The following PKNOX2 variants were observed in gnomAD, a reference collection of about 807,000 sequenced individuals.
PKNOX2 encodes homeobox protein PKNOX2.
A neutral mutation model predicts 53.1 loss-of-function variants in PKNOX2; 14 were observed. The observed-to-expected ratio is 0.26, with a 90% CI of 0.17 to 0.41. The LOEUF is 0.41. Among genes scored for constraint, PKNOX2 ranks in the 10% least tolerant of loss-of-function variants. The pLI, the probability that PKNOX2 is intolerant of heterozygous loss-of-function variation, is 1.00. For synonymous variants in PKNOX2, 257 were observed against 242.8 expected (o/e 1.06, Z -0.54); for missense variants, 496 against 602.8 (o/e 0.82, Z 1.85).
At chr11:125,234,932 C>T (rs1942540951) in intron 1 of PKNOX2, 113 bp from the exon 2 acceptor site, 1 of 152,670 alleles carries the variant, frequency 6.6e-6, no homozygotes, top group African/African-American at 2.4e-5. Flanking sequence ...GGCTGCCAGC[C>T]CTGGCCTTTT....
intron 1 of PKNOX2, among the ~76,000 whole-genome samples, chr11:125,177,197 G>T (rs1955772436): frequency 6.6e-6 from 1 of 152,152 alleles, no homozygotes; most frequent in South Asian, 2.1e-4. Context: ...TGTCTTTTGA[G>T]GACTTGGTGC....
At chr11:125,346,906 G>C (rs930929493) in intron 3 of PKNOX2, among the ~76,000 whole-genome samples, 2 of 151,936 alleles carry the variant, frequency 1.3e-5, no homozygotes, top group African/African-American at 4.8e-5. Flanking sequence ...CCCTCTCTCT[G>C]AACTCCAGCA....
Position 125,291,179 on chromosome 11 carries a change from G to T in PKNOX2, c.-129-40640G>T, listed in dbSNP as rs549959007. On this transcript the variant is annotated intron_variant, in intron 2 of 12. Transcript: ENST00000298282. ...TCAATCAATTGTCATCGCTCTCTGG[G>T]CCTCACTTTCCTCGCATGTAAAGTT... 4.1e-4 allele frequency among the ~76,000 whole-genome samples: 62 copies of T among 152,238 alleles called. 1 individual carries two copies. The South Asian group carries it at 5.6e-3, about 14-fold the overall frequency.
chr11:125,265,412 C>A (rs1945248163), intron 2 of PKNOX2, among the ~76,000 whole-genome samples: 1 of 152,226 alleles, frequency 6.6e-6, no homozygotes, highest in Non-Finnish European at 1.5e-5. Flanking sequence ...CAAACACCGG[C>A]CTCTGCAAGA....
intron 10 of PKNOX2, among the ~76,000 whole-genome samples, chr11:125,414,282 G>A (rs558537251): frequency 7.9e-5 from 12 of 152,302 alleles, no homozygotes; most frequent in South Asian, 6.2e-4. Context: ...TTGCCGAAAC[G>A]CATGAGGAGG....
At chr11:125,382,519 A>G (rs982403014) in intron 5 of PKNOX2, among the ~76,000 whole-genome samples, 2 of 152,020 alleles carry the variant, frequency 1.3e-5, no homozygotes, top group African/African-American at 4.8e-5. Context: ...TTTCATTCCT[A>G]ATTGATCTAG....
At chr11:125,171,532 C>A (rs1161233109) in intron 1 of PKNOX2, among the ~76,000 whole-genome samples, 1 of 152,206 alleles carries the variant, frequency 6.6e-6, no homozygotes, top group Non-Finnish European at 1.5e-5. Context: ...GAAGTAAAAG[C>A]ACATAGCTCA....
intron 1 of PKNOX2, among the ~76,000 whole-genome samples, chr11:125,196,145 G>A (rs1937656926): frequency 6.6e-6 from 1 of 152,160 alleles, no homozygotes; most frequent in Non-Finnish European, 1.5e-5. Context: ...GCATGGAGCT[G>A]GCAACAGTAC....
intron 1 of PKNOX2, among the ~76,000 whole-genome samples, chr11:125,204,019 A>C (rs1938767885): frequency 6.6e-6 from 1 of 152,110 alleles, no homozygotes; most frequent in Non-Finnish European, 1.5e-5. Flanking sequence ...GGCCTCCTGG[A>C]ATTGCCTTCC....
At chr11:125,335,294 G>A (rs1331306852) in intron 3 of PKNOX2, among the ~76,000 whole-genome samples, 2 of 152,184 alleles carry the variant, frequency 1.3e-5, no homozygotes, top group African/African-American at 2.4e-5. Context: ...CAGCTTGTCT[G>A]CTGTTTCCTG....
chr11:125,228,375 A>G (rs1941903553), intron 1 of PKNOX2, among the ~76,000 whole-genome samples: 1 of 152,226 alleles, frequency 6.6e-6, no homozygotes, highest in African/African-American at 2.4e-5. Context: ...AACGGGTGGC[A>G]GTCATGTAGT....
Position 125,432,160 on chromosome 11 carries a change from C to T in PKNOX2, c.*768C>T, listed in dbSNP as rs1956731410. ...TCCAAGAGCCAAGGAGATGGCAGAC[C>T]CTGGGCTAGGAACCATATGGAGGTG... On this transcript the variant is annotated 3_prime_UTR_variant, in exon 13 of 13. Transcript: ENST00000298282. The T allele has an allele frequency of 6.6e-6, 1 of 152,260 alleles. No homozygotes were observed. The highest frequency in any genetic ancestry group is 6.5e-5 in the Admixed American group (1 of 15,270). The allele number at this position is 152,260 out of a possible 1,614,324, so 9.4% of individuals were successfully genotyped here.
chr11:125,290,198 G>C (rs1947219779), intron 2 of PKNOX2, among the ~76,000 whole-genome samples: 1 of 152,164 alleles, frequency 6.6e-6, no homozygotes, highest in African/African-American at 2.4e-5. Context: ...CCAGCCCCTG[G>C]ATCCTTGGAG....
chr11:125,300,627 C>T (rs937334913), intron 2 of PKNOX2, among the ~76,000 whole-genome samples: 3 of 151,720 alleles, frequency 2.0e-5, no homozygotes, highest in Non-Finnish European at 4.4e-5. Flanking sequence ...GAGACAGAAA[C>T]AGAGAGAGAC....
chr11:125,264,956 C>A (rs1945195649), intron 2 of PKNOX2, among the ~76,000 whole-genome samples: 1 of 152,112 alleles, frequency 6.6e-6, no homozygotes, highest in Non-Finnish European at 1.5e-5. Flanking sequence ...GCTAAGCCAG[C>A]TTGGGAAAGC....
intron 2 of PKNOX2, among the ~76,000 whole-genome samples, chr11:125,248,632 T>C (rs1243980752): frequency 6.7e-6 from 1 of 149,170 alleles, no homozygotes; most frequent in African/African-American, 2.4e-5. Flanking sequence ...AAGACATATA[T>C]ACAACACATA....
intron 2 of PKNOX2, among the ~76,000 whole-genome samples, chr11:125,306,642 C>G (rs952292475): frequency 2.6e-5 from 4 of 152,162 alleles, no homozygotes; most frequent in Non-Finnish European, 5.9e-5. Context: ...AACGTTCCTT[C>G]GAGCAAATGT....
chr11:125,263,543 C>T (rs188477100), intron 2 of PKNOX2, among the ~76,000 whole-genome samples: 1 of 152,234 alleles, frequency 6.6e-6, no homozygotes, highest in Non-Finnish European at 1.5e-5. Flanking sequence ...AACCAGCCAA[C>T]GGGCCACTTT....
At chr11:125,329,871 C>G in intron 2 of PKNOX2, among the ~76,000 whole-genome samples, 1 of 151,994 alleles carries the variant, frequency 6.6e-6, no homozygotes, top group Admixed American at 6.5e-5. Context: ...GCTGCTTTTT[C>G]GACAATGAGC....
Sources: gnomAD v4.1 joint callset for allele counts (sites outside exome capture counted in the v4.1 genomes callset) on GRCh38, gnomAD v4.1.1 for gene constraint, MANE v1.5 for transcripts, NCBI Gene and HGNC (gene_info 2026-07-23, HGNC 2026-07-21) for gene names.